MAP4K3: variants seen among roughly 807,000 people sequenced by gnomAD.
MAP4K3 encodes the protein MAPK/ERK kinase kinase kinase 3.
In MAP4K3, 94 loss-of-function variants were observed where a neutral mutation model predicts 143.5. That is an observed-to-expected ratio of 0.65 (90% CI 0.55 to 0.78). The LOEUF is 0.78. MAP4K3 is among the 30% of genes least tolerant of loss of function. MAP4K3 has a pLI of 0.00. For synonymous variants in MAP4K3, 416 were observed against 347.2 expected, an observed-to-expected ratio of 1.20 and a Z score of -2.20; for missense variants, 1,077 against 1,068.1, an observed-to-expected ratio of 1.01 and a Z score of -0.12.
chr2:39,252,285 G>C (rs541238812), intron 32 of MAP4K3, among the ~76,000 whole-genome samples: 79 of 152,292 alleles, frequency 5.2e-4, no homozygotes, highest in South Asian at 2.5e-3. Context: ...AGTGTAACAG[G>C]AAATATTTAA....
At position 39,326,280 on chromosome 2, in the gene MAP4K3, G is replaced by A. The variant is rs865986528; in HGVS notation, c.531-3C>T. 9 of 1,611,470 alleles carry A rather than the reference G, an allele frequency of 5.6e-6. No homozygotes were observed. Among genetic ancestry groups the A allele is most frequent in the Non-Finnish European group, 7.6e-6 (9 of 1,179,224 alleles). ...CAGCTGCAACTTCTGGAGCCATCCT[G>A]AAATAAATATTCCAGAAAATAAAAA... is the stretch of plus-strand genomic sequence containing the variant. On this transcript the variant is annotated splice_polypyrimidine_tract_variant and splice_region_variant and intron_variant, in intron 8 of 33. Coordinates refer to ENST00000263881, the MANE Select transcript of MAP4K3 (RefSeq NM_003618.4).
intron 1 of MAP4K3, among the ~76,000 whole-genome samples, chr2:39,385,285 T>C (rs973844703): frequency 6.6e-6 from 1 of 152,090 alleles, no homozygotes; most frequent in African/African-American, 2.4e-5. Context: ...ACTGTACCAT[T>C]TTTCATTCCC....
chr2:39,409,367 G>C (rs1291891627), intron 1 of MAP4K3, among the ~76,000 whole-genome samples: 2 of 152,110 alleles, frequency 1.3e-5, no homozygotes, highest in African/African-American at 4.8e-5. Flanking sequence ...CCACTACATG[G>C]GGGGCTGGCT....
intron 24 of MAP4K3, among the ~76,000 whole-genome samples, chr2:39,276,523 A>G (rs1299000532): frequency 6.6e-6 from 1 of 152,224 alleles, no homozygotes; most frequent in Non-Finnish European, 1.5e-5. Context: ...GCCTAGGTTC[A>G]TATCGCAGTC....
At chr2:39,308,037 T>G in intron 14 of MAP4K3, 32 bp from the exon 15 acceptor site, 1 of 1,524,432 alleles carries the variant, frequency 6.6e-7, no homozygotes, top group African/African-American at 1.4e-5. Context: ...ACCCAAGTTA[T>G]TTACGCTTAG....
rs551682060 is a variant in MAP4K3 at position 39,326,829 on chromosome 2, C to T, written c.531-552G>A. ...AAGGTCTGATGGTTTTAAAAGTGGC[C>T]GTTTCCCGAGTGCTCTCTCCTGCCA... On this transcript the variant is annotated intron_variant, in intron 8 of 33. Transcript: ENST00000263881. Among the ~76,000 whole-genome samples, 5 of 152,156 alleles carry T rather than the reference C, an allele frequency of 3.3e-5. No homozygotes were observed. The South Asian group carries it at 6.2e-4, about 19-fold the overall frequency.
intron 15 of MAP4K3, among the ~76,000 whole-genome samples, chr2:39,306,443 G>A (rs1420898194): frequency 6.6e-6 from 1 of 152,030 alleles, no homozygotes; most frequent in East Asian, 1.9e-4. Flanking sequence ...TGCATTTACT[G>A]GCTCTCCTAG....
intron 28 of MAP4K3, among the ~76,000 whole-genome samples, chr2:39,261,286 T>C (rs1680556751): frequency 6.6e-6 from 1 of 151,732 alleles, no homozygotes; most frequent in East Asian, 1.9e-4. Flanking sequence ...GTGATTTTTA[T>C]CAAATCAACT....
intron 16 of MAP4K3, among the ~76,000 whole-genome samples, chr2:39,298,776 A>T (rs1430102849): frequency 6.6e-6 from 1 of 151,910 alleles, no homozygotes; most frequent in African/African-American, 2.4e-5. Flanking sequence ...GACCAGCCTG[A>T]TCAACATGGT....
At position 39,331,926 on chromosome 2, in the gene MAP4K3, G is replaced by A; in HGVS notation, c.521C>T (p.Thr174Ile). The A allele has an allele frequency of 6.4e-7, 1 of 1,560,356 alleles. No homozygotes were observed. Among genetic ancestry groups the A allele is most frequent in the Non-Finnish European group, 8.8e-7 (1 of 1,142,644 alleles). Residue 174 changes from threonine to isoleucine, a missense_variant, in exon 8 of 34, where the codon ACA becomes ATA. Around this residue, in one of 2 missense-constraint regions of MAP4K3, gnomAD observed 213 missense variants for 266.8 expected, o/e 0.80. Transcript: ENST00000263881. ...TIAKRKSFIG[T>I]PYWMAPEVAA... Reference sequence around the variant, plus strand: ...ATTAAAATACAATTACCAATATGGTGTGCCAATGAAAGACTTCCGTTTGGC... The same window carrying A: ...ATTAAAATACAATTACCAATATGGTATGCCAATGAAAGACTTCCGTTTGGC...
intron 19 of MAP4K3, 109 bp from the exon 20 acceptor site, chr2:39,288,389 G>C (rs771911647): frequency 6.6e-6 from 6 of 912,204 alleles, no homozygotes; most frequent in Non-Finnish European, 9.9e-6. Context: ...ATACATTAGA[G>C]GTTTACCAGA....
intron 3 of MAP4K3, among the ~76,000 whole-genome samples, chr2:39,353,408 C>G (rs1336758571): frequency 2.6e-5 from 4 of 152,136 alleles, no homozygotes; most frequent in African/African-American, 9.7e-5. Context: ...TCACTTTGAT[C>G]AGCTATACCC....
At chr2:39,272,073 G>A (rs1021839034) in intron 26 of MAP4K3, 23 of 389,858 alleles carry the variant, frequency 5.9e-5, no homozygotes, top group Middle Eastern at 1.4e-3. Flanking sequence ...AAAATTCAGA[G>A]AGAAAATGTC....
intron 15 of MAP4K3, among the ~76,000 whole-genome samples, chr2:39,302,605 C>G (rs1334149513): frequency 6.6e-6 from 1 of 152,006 alleles, no homozygotes; most frequent in Non-Finnish European, 1.5e-5. Context: ...AAAATGCTAC[C>G]AAAATAATGC....
intron 15 of MAP4K3, among the ~76,000 whole-genome samples, chr2:39,307,370 A>C (rs888308394): frequency 6.6e-6 from 1 of 152,098 alleles, no homozygotes; most frequent in East Asian, 1.9e-4. Context: ...TTATAATCTA[A>C]ATTTTGTCCT....
chr2:39,253,234 C>T (rs1165742634), intron 32 of MAP4K3, among the ~76,000 whole-genome samples: 5 of 152,132 alleles, frequency 3.3e-5, no homozygotes, highest in African/African-American at 9.7e-5. Context: ...TGGGTTCAAG[C>T]GATTCTCCTG....
chr2:39,308,575 A>T (rs1204454516), intron 14 of MAP4K3, among the ~76,000 whole-genome samples: 1 of 152,184 alleles, frequency 6.6e-6, no homozygotes, highest in Non-Finnish European at 1.5e-5. Flanking sequence ...AGCAAATAAA[A>T]AAATGAAACA....
chr2:39,385,401 G>A (rs956763010), intron 1 of MAP4K3, among the ~76,000 whole-genome samples: 1 of 151,558 alleles, frequency 6.6e-6, no homozygotes, highest in Non-Finnish European at 1.5e-5. Flanking sequence ...GCTATTTCAT[G>A]GTGGTTTTAG....
chr2:39,263,397 C>T (rs1434460524), intron 28 of MAP4K3, among the ~76,000 whole-genome samples: 1 of 149,860 alleles, frequency 6.7e-6, no homozygotes, highest in Non-Finnish European at 1.5e-5. Context: ...CTCAGCCTCC[C>T]GAGTAGCTGG....
Sources: allele counts gnomAD v4.1 joint callset (sites outside exome capture counted in the v4.1 genomes callset), GRCh38; gene constraint gnomAD v4.1.1; regional missense constraint gnomAD v4.1.1; transcripts MANE v1.5; gene names NCBI Gene and HGNC (gene_info 2026-07-23, HGNC 2026-07-21).